MSH3: variants seen among roughly 807,000 people sequenced by gnomAD.
The protein encoded by MSH3 is DNA mismatch repair protein Msh3.
In MSH3, 106 loss-of-function variants were observed where a neutral mutation model predicts 123.3. The ratio of observed to expected loss-of-function variants is 0.86; its 90% CI spans 0.73 to 1.01. The LOEUF (loss-of-function observed/expected upper bound fraction) is 1.01. Ranked by LOEUF, MSH3 falls within the 50% of genes least tolerant of loss-of-function variation. The pLI, the probability that MSH3 is intolerant of heterozygous loss-of-function variation, is 0.00. For missense variants in MSH3, 1,459 were observed against 1,347.6 expected (o/e 1.08, Z -1.29); for synonymous variants, 515 against 481.4 (o/e 1.07, Z -0.91).
intron 8 of MSH3, among the ~76,000 whole-genome samples, chr5:80,692,435 A>G (rs1415603735): frequency 3.0e-3 from 124 of 41,334 alleles, no homozygotes; most frequent in Admixed American, 5.5e-3. Context: ...TAGATAGATA[A>G]ACATGTATAT....
chr5:80,705,827 A>T (rs73765864), intron 8 of MSH3, among the ~76,000 whole-genome samples: 1,756 of 152,178 alleles, frequency 0.012, 34 homozygotes, highest in African/African-American at 0.04. Context: ...TTACGTGGAC[A>T]CCGGTCATAT....
intron 8 of MSH3, among the ~76,000 whole-genome samples, chr5:80,707,681 A>G (rs1177585368): frequency 6.6e-6 from 1 of 152,242 alleles, no homozygotes; most frequent in Non-Finnish European, 1.5e-5. Context: ...TCAGTGAGCC[A>G]TAATTGTGCC....
intron 10 of MSH3, among the ~76,000 whole-genome samples, chr5:80,735,832 T>G (rs1273477756): frequency 6.6e-6 from 1 of 152,202 alleles, no homozygotes; most frequent in Non-Finnish European, 1.5e-5. Context: ...CAAATTCAAA[T>G]TTCTTACAAA....
At chr5:80,670,925 G>T (rs183584357) in intron 4 of MSH3, among the ~76,000 whole-genome samples, 2 of 152,144 alleles carry the variant, frequency 1.3e-5, no homozygotes, top group African/African-American at 4.8e-5. Context: ...TTTGAGACCA[G>T]CCTGGCCAAC....
chr5:80,758,163 T>A (rs1250236914), intron 12 of MSH3, among the ~76,000 whole-genome samples: 2 of 152,204 alleles, frequency 1.3e-5, no homozygotes, highest in Non-Finnish European at 2.9e-5. Flanking sequence ...GCTTTTCTTG[T>A]ATAATTCCCA....
chr5:80,798,556 T>G (rs533041865), intron 19 of MSH3, among the ~76,000 whole-genome samples: 35 of 152,380 alleles, frequency 2.3e-4, no homozygotes, highest in Middle Eastern at 3.4e-3. Context: ...GCTTTAAGCT[T>G]AATTTAATTC....
chr5:80,663,470 A>G (rs772335904), intron 2 of MSH3, among the ~76,000 whole-genome samples: 18 of 151,706 alleles, frequency 1.2e-4, no homozygotes, highest in Non-Finnish European at 2.4e-4. Context: ...CCCAATTTAT[A>G]TGATCAACTT....
chr5:80,805,578 G>T (rs1308621315), intron 19 of MSH3, among the ~76,000 whole-genome samples: 1 of 71,106 alleles, frequency 1.4e-5, no homozygotes, highest in African/African-American at 6.6e-5. Context: ...TCAATATGAT[G>T]CCCCCCCCCC....
rs184944618 is a variant in MSH3, at chr5:80,756,972, A to G, written c.1764-4574A>G. On this transcript the variant is annotated intron_variant, in intron 12 of 23. Transcript: ENST00000265081. ...ATGTGTTAATGTCTGAATTTAATCT[A>G]CTCGTTCTGTGCTGTCTTAAAAGTC... Among the ~76,000 whole-genome samples the G allele has an allele frequency of 1.6e-3, 242 of 152,200 alleles. 1 individual carries two copies. The highest frequency in any genetic ancestry group is 5.7e-3 in the African/African-American group (236 of 41,532).
intron 8 of MSH3, among the ~76,000 whole-genome samples, chr5:80,693,604 C>A: frequency 8.1e-6 from 1 of 123,240 alleles, no homozygotes; most frequent in African/African-American, 3.1e-5. Context: ...TATAAACATA[C>A]ATATATACAC....
chr5:80,827,348 T>C (rs1207250143), intron 20 of MSH3, among the ~76,000 whole-genome samples: 1 of 152,248 alleles, frequency 6.6e-6, no homozygotes, highest in Non-Finnish European at 1.5e-5. Context: ...GAATTCTGTG[T>C]ACTCAGAGTG....
At chr5:80,658,037 C>CTTTTTTTTTTTTTTTTTTTTTTTTTTTTT in intron 2 of MSH3, among the ~76,000 whole-genome samples, 1 of 116,640 alleles carries the variant, frequency 8.6e-6, no homozygotes, top group Middle Eastern at 4.1e-3. Context: ...TTTTTGCCCT[C>CTTTTTTTTTTTTTTTTTTTTTTTTTTTTT]TTTTTTTTTT....
Position 80,669,916 on chromosome 5 carries a change from T to C in MSH3, c.580-181T>C, listed in dbSNP as rs6151629. 0.23 allele frequency among the ~76,000 whole-genome samples: 34,536 copies of C among 152,158 alleles called. 4,114 individuals carry two copies. Among genetic ancestry groups the C allele is most frequent in the Non-Finnish European group, 0.27 (18,526 of 67,974 alleles). On this transcript the variant is annotated intron_variant, in intron 3 of 23. Coordinates refer to ENST00000265081, the MANE Select transcript of MSH3 (RefSeq NM_002439.5). Reference sequence around the variant, plus strand: ...ACTTGGTTCATAATTTTTTTTAACCTTCTACTTTGAAAATATTTGTAACCT... The same window carrying C: ...ACTTGGTTCATAATTTTTTTTAACCCTCTACTTTGAAAATATTTGTAACCT...
At chr5:80,847,959 C>T (rs1745752505) in intron 20 of MSH3, among the ~76,000 whole-genome samples, 1 of 152,194 alleles carries the variant, frequency 6.6e-6, no homozygotes, top group Admixed American at 6.5e-5. Flanking sequence ...GGGCAGGGCA[C>T]AGTGGCTCAC....
chr5:80,713,496 C>T (rs1417205822), intron 8 of MSH3, among the ~76,000 whole-genome samples: 1 of 142,870 alleles, frequency 7.0e-6, no homozygotes, highest in Non-Finnish European at 1.6e-5. Flanking sequence ...AGGGAGGTTG[C>T]CACCTTGGGA....
chr5:80,842,142 G>A (rs1370886103), intron 20 of MSH3, among the ~76,000 whole-genome samples: 8 of 152,154 alleles, frequency 5.3e-5, no homozygotes, highest in Non-Finnish European at 5.9e-5. Flanking sequence ...AGTTTTCCCA[G>A]CACCATTTAT....
chr5:80,700,928 T>C (rs1750594582), intron 8 of MSH3, among the ~76,000 whole-genome samples: 1 of 152,184 alleles, frequency 6.6e-6, no homozygotes, highest in Admixed American at 6.5e-5. Context: ...GAAGCAATTG[T>C]GTGAGGTGTG....
chr5:80,745,899 G>C (rs1050387935), intron 12 of MSH3, among the ~76,000 whole-genome samples: 4 of 152,098 alleles, frequency 2.6e-5, no homozygotes, highest in Admixed American at 6.5e-5. Context: ...TTTCAATAAT[G>C]GATTGCAGAT....
At chr5:80,768,284 C>G (rs1440307840) in intron 14 of MSH3, among the ~76,000 whole-genome samples, 164 bp downstream of exon 14, 1 of 152,084 alleles carries the variant, frequency 6.6e-6, no homozygotes, top group Non-Finnish European at 1.5e-5. Context: ...TACATTACAG[C>G]TGGAATACTT....
Sources: allele counts gnomAD v4.1 joint callset (sites outside exome capture counted in the v4.1 genomes callset), GRCh38; gene constraint gnomAD v4.1.1; transcripts MANE v1.5; gene names NCBI Gene and HGNC (gene_info 2026-07-23, HGNC 2026-07-21).